Variants in ZNF764 observed in about 807,000 individuals in gnomAD.
The protein encoded by ZNF764 is zinc finger protein 764.
Under a neutral mutation model 13.9 loss-of-function variants are expected in ZNF764, and 10 were observed. The ratio of observed to expected loss-of-function variants is 0.72; its 90% CI spans 0.44 to 1.22. The LOEUF (loss-of-function observed/expected upper bound fraction) is 1.22, where lower values mean the gene tolerates loss of function less well. Ranked by LOEUF, ZNF764 falls within the 50% of genes most tolerant of loss-of-function variation. The pLI is 0.00. For synonymous variants in ZNF764, 313 were observed against 255.1 expected (o/e 1.23, Z -2.16); for missense variants, 647 against 589.7 (o/e 1.10, Z -1.01).
rs1159901378 is a variant in ZNF764 at position 30,555,109 on chromosome 16, C to T, written c.*85G>A. The T allele has an allele frequency of 6.8e-7, 1 of 1,474,714 alleles. No individual in the cohort carries two copies. The highest frequency in any genetic ancestry group is 9.1e-7 in the Non-Finnish European group (1 of 1,099,812). The allele number at this position is 1,474,714 out of a possible 1,614,324, so 91.4% of individuals were successfully genotyped here. ...CCAGCTCTTGCCCTAGATTCTGGGA[C>T]CTCCCTGCAGGCCGCCGCAGAGGTT... On this transcript the variant is annotated 3_prime_UTR_variant, in exon 3 of 3. Coordinates refer to ENST00000395091, the MANE Select transcript of ZNF764 (RefSeq NM_001172679.2).
intron 2 of ZNF764, among the ~76,000 whole-genome samples, chr16:30,556,997 G>A (rs1008232134): frequency 5.9e-5 from 9 of 152,078 alleles, no homozygotes; most frequent in African/African-American, 1.9e-4. Context: ...AAAATTAGCC[G>A]GGCGTGGTGG....
rs2051526309 is a variant in ZNF764, at chr16:30,553,833, C to T, written c.*1361G>A. The T allele has an allele frequency of 2.0e-5, 3 of 152,386 alleles. No individual in the cohort carries two copies. The highest frequency in any genetic ancestry group is 3.4e-3 in the Middle Eastern group (1 of 294). The allele number at this position is 152,386 out of a possible 1,614,324, so 9.4% of individuals were successfully genotyped here. On this transcript the variant is annotated 3_prime_UTR_variant, in exon 3 of 3. Coordinates refer to ENST00000395091, the MANE Select transcript of ZNF764 (RefSeq NM_001172679.2). ...CCAACTCCAGAAAACCTGAGTGCTA[C>T]AGACCACTGTTTGCAAACTCAAATG...
Position 30,558,138 on chromosome 16 carries a change from C to G in ZNF764, c.45G>C (p.Gly15=). ...CCGGCTCCCTCCACTCGGGTCCGGC[C>G]CCGTTTGGGTCCCGGGGAGGGAGCG... The part of the protein sequence containing the change: ...LAPLPPRDPN[G]AGPEWREPGA... Residue 15 remains glycine (G), a synonymous_variant, in exon 1 of 3, where the codon GGG becomes GGC. Coordinates refer to ENST00000395091, the MANE Select transcript of ZNF764 (RefSeq NM_001172679.2). 6.2e-7 allele frequency: 1 copy of G among 1,605,546 alleles called. No homozygotes were observed. The highest frequency in any genetic ancestry group is 2.2e-5 in the East Asian group (1 of 44,800).
In ZNF764 at chr16:30,555,167, A is replaced by G; in HGVS notation, c.*27T>C. ...CTGAGCCCATCTCGGGCCTCCCGTA[A>G]TGTCTAGATAGTCACTTTTAAGGCC... On this transcript the variant is annotated 3_prime_UTR_variant, in exon 3 of 3. Transcript: ENST00000395091. 1 of 1,571,862 alleles carries G rather than the reference A, an allele frequency of 6.4e-7. No homozygotes were observed. The highest frequency in any genetic ancestry group is 8.6e-7 in the Non-Finnish European group (1 of 1,160,872).
rs1471989281 is a variant in ZNF764 at position 30,554,923 on chromosome 16, GGCTGAGAAACA to G, written c.*260_*270del. ...TACCTCAGTCCTCTTAGCACCTCTG[GGCTGAGAAACA>G]GCTTTTGGTTCCCCTTATGTAGGTC... On this transcript the variant is annotated 3_prime_UTR_variant, in exon 3 of 3. Transcript: ENST00000395091. 9 of 456,196 alleles carry G rather than the reference GGCTGAGAAACA, an allele frequency of 2.0e-5. No homozygotes were observed. Among genetic ancestry groups the G allele is most frequent in the East Asian group, 3.6e-5 (1 of 27,918 alleles). 28.3% of individuals were successfully genotyped at this position (456,196 alleles called of 1,614,324 possible). A position where few individuals can be genotyped will look rare whatever the true frequency, so the allele number is the denominator to read the frequency against.
In ZNF764 at chr16:30,558,104, T is replaced by G. The variant is rs1472087307; in HGVS notation, c.79A>C (p.Ser27Arg). 6.2e-7 allele frequency: 1 copy of G among 1,610,084 alleles called. No homozygotes were observed. The highest frequency in any genetic ancestry group is 2.2e-5 in the East Asian group (1 of 44,820). The change falls in exon 1 of 3, where the codon AGC becomes CGC. Residue 27 changes from serine to arginine, a missense_variant. Transcript: ENST00000395091. ...GPEWREPGAV[S>R]FADVAVYFCR... ...AAGTACACGGCCACGTCCGCGAAGC[T>G]CACAGCCCCCGGCTCCCTCCACTCG...
rs2051570245 is a variant in ZNF764 at position 30,557,827 on chromosome 16, T to C, written c.216A>G (p.Pro72=). 3.1e-6 allele frequency: 5 copies of C among 1,609,680 alleles called. No homozygotes were observed. The highest frequency in any genetic ancestry group is 3.4e-6 in the Non-Finnish European group (4 of 1,177,868). Residue 72 remains proline, a synonymous_variant, in exon 2 of 3, where the codon CCA becomes CCG. Transcript: ENST00000395091. ...CCTCCTCCACCCAGGAGATGAGAGC[T>C]GGCTTGTTGCCTCCGATTCCTAGGG... ...LSALGIGGNK[P]ALISWVEEEA...
chr16:30,555,994 C>G lies in ZNF764; in HGVS notation c.424G>C (p.Gly142Arg), dbSNP rs1465037874. Reference protein sequence around the residue: ...GLKSPQAPSAGPPYGWEQLSK... With the variant: ...GLKSPQAPSARPPYGWEQLSK... ...AGCTGCTCCCAACCATAAGGGGGCC[C>G]GGCCGAGGGGGCTTGGGGAGACTTC... Residue 142 changes from glycine to arginine, a missense_variant, in exon 3 of 3, where the codon GGG (glycine) becomes CGG (arginine). Gly to Arg is a moderately radical substitution (Grantham distance 125). Coordinates refer to ENST00000395091, the MANE Select transcript of ZNF764 (RefSeq NM_001172679.2). 6.2e-7 allele frequency: 1 copy of G among 1,612,090 alleles called. No homozygotes were observed. The highest frequency in any genetic ancestry group is 8.5e-7 in the Non-Finnish European group (1 of 1,179,934).
Position 30,555,110 on chromosome 16 carries a change from C to G in ZNF764, c.*84G>C. ...CAGCTCTTGCCCTAGATTCTGGGAC[C>G]TCCCTGCAGGCCGCCGCAGAGGTTC... On this transcript the variant is annotated 3_prime_UTR_variant, in exon 3 of 3. Coordinates refer to ENST00000395091, the MANE Select transcript of ZNF764 (RefSeq NM_001172679.2). The G allele has an allele frequency of 2.7e-6, 4 of 1,478,274 alleles. No homozygotes were observed. In the South Asian group the frequency reaches 4.1e-5, roughly 15 times the overall value. The allele number at this position is 1,478,274 out of a possible 1,614,324, so 91.6% of individuals were successfully genotyped here. A position where few individuals can be genotyped will look rare whatever the true frequency, so the allele number is the denominator to read the frequency against.
At position 30,556,264 on chromosome 16, in the gene ZNF764, C is replaced by T. The variant is rs190922322; in HGVS notation, c.311-157G>A. 1.4e-3 allele frequency among the ~76,000 whole-genome samples: 214 copies of T among 151,880 alleles called. No homozygotes were observed. The highest frequency in any genetic ancestry group is 3.4e-3 in the Middle Eastern group (1 of 292). On this transcript the variant is annotated intron_variant, in intron 2 of 2. Coordinates refer to ENST00000395091, the MANE Select transcript of ZNF764 (RefSeq NM_001172679.2). ...CCTCGGCTGCAGAGCCAGACAGAGCCGGGAGGGAGAGAACAGCCCATTCCG... is the reference window on the plus strand; with the variant it reads ...CCTCGGCTGCAGAGCCAGACAGAGCTGGGAGGGAGAGAACAGCCCATTCCG...
At position 30,557,740 on chromosome 16, in the gene ZNF764, C is replaced by G; in HGVS notation, c.303G>C (p.Thr101=). The G allele has an allele frequency of 6.2e-7, 1 of 1,613,588 alleles. No individual in the cohort carries two copies. The highest frequency in any genetic ancestry group is 1.7e-4 in the Middle Eastern group (1 of 6,060). Residue 101 remains threonine, a synonymous_variant, in exon 2 of 3, where the codon ACG becomes ACC. Transcript: ENST00000395091. ...DPEVAKCQTQ[T]DPDSRNKKKE... Reference sequence around the variant, plus strand: ...GAGCACCCGATACTCCACCTGGGTCCGTTTGTGTCTGACATTTCGCCACCT... The same window carrying G: ...GAGCACCCGATACTCCACCTGGGTCGGTTTGTGTCTGACATTTCGCCACCT...
In ZNF764 at chr16:30,556,077, CTT is replaced by C; in HGVS notation, c.339_340del (p.Arg114GlyfsTer57). ...CTTCTCCAGGGCTCCCGTCCCTTCC[CTT>C]TGTCTTTCCTTTTTCTTGTTTCTGG... On this transcript the variant is annotated frameshift_variant, in exon 3 of 3. Coordinates refer to ENST00000395091, the MANE Select transcript of ZNF764 (RefSeq NM_001172679.2). LOFTEE classifies it low-confidence loss of function (END_TRUNC). The C allele has an allele frequency of 6.2e-7, 1 of 1,612,118 alleles. No individual in the cohort carries two copies. The highest frequency in any genetic ancestry group is 8.5e-7 in the Non-Finnish European group (1 of 1,180,032).
intron 2 of ZNF764, 88 bp downstream of exon 2, chr16:30,557,645 G>A (rs1597133536): frequency 1.3e-6 from 2 of 1,545,060 alleles, no homozygotes; most frequent in African/African-American, 1.4e-5. Flanking sequence ...AGAGGAAACT[G>A]CTAAGCAGGT....
rs1176931731 is a variant in ZNF764 at position 30,555,137 on chromosome 16, G to C, written c.*57C>G. On this transcript the variant is annotated 3_prime_UTR_variant, in exon 3 of 3. Transcript: ENST00000395091. Reference sequence around the variant, plus strand: ...CCCTGCAGGCCGCCGCAGAGGTTCGGGCCCCTGAGCCCATCTCGGGCCTCC... The same window carrying C: ...CCCTGCAGGCCGCCGCAGAGGTTCGCGCCCCTGAGCCCATCTCGGGCCTCC... 5.9e-6 allele frequency: 9 copies of C among 1,531,794 alleles called. No homozygotes were observed. The Admixed American group carries it at 1.0e-4, about 18-fold the overall frequency. The allele number at this position is 1,531,794 out of a possible 1,614,324, so 94.9% of individuals were successfully genotyped here.
Position 30,557,825 on chromosome 16 carries a change from G to A in ZNF764, c.218C>T (p.Ala73Val), listed in dbSNP as rs758053747. 22 of 1,609,916 alleles carry A rather than the reference G, an allele frequency of 1.4e-5. No individual in the cohort carries two copies. Among genetic ancestry groups the A allele is most frequent in the Non-Finnish European group, 1.9e-5 (22 of 1,178,048 alleles). Residue 73 changes from alanine (A) to valine (V), a missense_variant, in exon 2 of 3, where the codon GCT (alanine) becomes GTT (valine). Physicochemically the swap from Ala to Val is moderately conservative, Grantham distance 64. Transcript: ENST00000395091. ...SALGIGGNKPALISWVEEEAE... is the reference protein window; with the variant it reads ...SALGIGGNKPVLISWVEEEAE... ...CTCCTCCTCCACCCAGGAGATGAGAGCTGGCTTGTTGCCTCCGATTCCTAG... is the reference window on the plus strand; with the variant it reads ...CTCCTCCTCCACCCAGGAGATGAGAACTGGCTTGTTGCCTCCGATTCCTAG...
intron 1 of ZNF764, 40 bp downstream of exon 1, chr16:30,557,947 G>T (rs780282506): frequency 7.0e-6 from 11 of 1,577,036 alleles, no homozygotes; most frequent in African/African-American, 1.4e-5. Flanking sequence ...GGCAGGGCCT[G>T]TGGGGGCGCA....
intron 2 of ZNF764, 130 bp downstream of exon 2, chr16:30,557,603 G>A: frequency 8.1e-6 from 11 of 1,353,624 alleles, no homozygotes; most frequent in Non-Finnish European, 1.1e-5. Flanking sequence ...CAGGGGCTCA[G>A]CCTCGTCGTC....
rs1449288775 is a variant in ZNF764 at position 30,554,216 on chromosome 16, A to G, written c.*978T>C. ...TAAAATATCCTTTTCAATTTTCACTACTAACTCATATCACTTAAAAACACT... is the reference window on the plus strand; with the variant it reads ...TAAAATATCCTTTTCAATTTTCACTGCTAACTCATATCACTTAAAAACACT... On this transcript the variant is annotated 3_prime_UTR_variant, in exon 3 of 3. Coordinates refer to ENST00000395091, the MANE Select transcript of ZNF764 (RefSeq NM_001172679.2). 6.6e-6 allele frequency: 1 copy of G among 152,204 alleles called. No individual in the cohort carries two copies. Among genetic ancestry groups the G allele is most frequent in the Non-Finnish European group, 1.5e-5 (1 of 68,042 alleles). 9.4% of individuals were successfully genotyped at this position (152,204 alleles called of 1,614,324 possible). A position where few individuals can be genotyped will look rare whatever the true frequency, so the allele number is the denominator to read the frequency against.
intron 1 of ZNF764, 44 bp downstream of exon 1, chr16:30,557,943 G>A (rs1262331971): frequency 6.3e-7 from 1 of 1,575,130 alleles, no homozygotes; most frequent in East Asian, 2.4e-5. Context: ...GCGCGGCAGG[G>A]CCTGTGGGGG....
Sources: allele counts gnomAD v4.1 joint callset (sites outside exome capture counted in the v4.1 genomes callset), GRCh38; gene constraint gnomAD v4.1.1; transcripts MANE v1.5; gene names NCBI Gene and HGNC (gene_info 2026-07-23, HGNC 2026-07-21).